SPDEF: variants seen among roughly 807,000 people sequenced by gnomAD.
SPDEF encodes the protein SAM pointed domain containing ETS transcription factor.
Under a neutral mutation model 36.0 loss-of-function variants are expected in SPDEF, and 12 were observed. That is an observed-to-expected ratio of 0.33 (90% CI 0.21 to 0.54). The LOEUF (loss-of-function observed/expected upper bound fraction) is 0.54, where lower values mean the gene tolerates loss of function less well. Ranked by LOEUF, SPDEF falls within the 20% of genes least tolerant of loss-of-function variation. The probability of loss-of-function intolerance (pLI) is 0.93; values close to 1 mark genes in which losing one functional copy is unlikely to be tolerated. For synonymous variants in SPDEF, 205 were observed against 193.0 expected, an observed-to-expected ratio of 1.06 and a Z score of -0.51; for missense variants, 388 against 456.9, an observed-to-expected ratio of 0.85 and a Z score of 1.37.
At chr6:34,543,836 G>C (rs1284522473) in intron 2 of SPDEF, among the ~76,000 whole-genome samples, 184 bp downstream of exon 2, 1 of 152,194 alleles carries the variant, frequency 6.6e-6, no homozygotes, top group Non-Finnish European at 1.5e-5. Flanking sequence ...CACTAGAGGT[G>C]GACAGAAACC....
rs768021292 is a variant in SPDEF, at chr6:34,544,088, T to G, written c.368A>C (p.Gln123Pro). 2 of 1,613,550 alleles carry G rather than the reference T, an allele frequency of 1.2e-6. No individual in the cohort carries two copies. Among genetic ancestry groups the G allele is most frequent in the Non-Finnish European group, 1.7e-6 (2 of 1,179,840 alleles). ...TLEEHSLEQV[Q>P]SMVVGEVLKD... The stretch of plus-strand genomic sequence containing the variant: ...GAGCACTTCGCCCACCACCATGGAC[T>G]GCACCTGCTCCAGCGAGTGCTCCTC... The change falls in exon 2 of 6, where the codon CAG becomes CCG. Residue 123 changes from glutamine to proline, a missense_variant. Physicochemically the swap from Gln to Pro is moderately conservative, Grantham distance 76. This residue lies in a region of SPDEF where 308 missense variants were observed against 326.1 expected (regional missense o/e 0.94). Transcript: ENST00000374037. The surrounding 1 kb of genome is among the most constrained non-coding windows in gnomAD (Gnocchi z 4.4).
In SPDEF at chr6:34,538,241, CT is replaced by C. The variant is rs1240347659; in HGVS notation, c.*32del. The C allele has an allele frequency of 1.3e-6, 2 of 1,599,438 alleles. No homozygotes were observed. The highest frequency in any genetic ancestry group is 1.7e-6 in the Non-Finnish European group (2 of 1,170,394). On this transcript the variant is annotated 3_prime_UTR_variant, in exon 6 of 6. Transcript: ENST00000374037. This position sits in a 1 kb window ranked among gnomAD's most constrained non-coding sequence, Gnocchi z 5.9. ...GGCAGGGCAGGCAGGAGAGAGGCCC[CT>C]GAGGGCGGGTTTCAGGCCCTGGGCC...
chr6:34,538,262 T>G lies in SPDEF; in HGVS notation c.*12A>C. On this transcript the variant is annotated 3_prime_UTR_variant, in exon 6 of 6. Coordinates refer to ENST00000374037, the MANE Select transcript of SPDEF (RefSeq NM_012391.3). The surrounding 1 kb of genome is among the most constrained non-coding windows in gnomAD (Gnocchi z 5.9). ...GCCCCTGAGGGCGGGTTTCAGGCCC[T>G]GGGCCAGGCACTCAGATGGGGTGCA... The G allele has an allele frequency of 2.5e-6, 4 of 1,610,776 alleles. No homozygotes were observed. The highest frequency in any genetic ancestry group is 3.4e-6 in the Non-Finnish European group (4 of 1,177,678).
In SPDEF at chr6:34,539,940, G is replaced by A. The variant is rs2127281884; in HGVS notation, c.635-378C>T. On this transcript the variant is annotated intron_variant, in intron 3 of 5. Transcript: ENST00000374037. The surrounding 1 kb of genome is among the most constrained non-coding windows in gnomAD (Gnocchi z 5.2). The stretch of plus-strand genomic sequence containing the variant: ...CCTCCAAAGCACCTGGCCCTGTGCA[G>A]GCAGCAGTGGGTGCCCACTGAGATC... 6.6e-6 allele frequency among the ~76,000 whole-genome samples: 1 copy of A among 152,330 alleles called. No homozygotes were observed. Among genetic ancestry groups the A allele is most frequent in the South Asian group, 2.1e-4 (1 of 4,828 alleles).
intron 1 of SPDEF, among the ~76,000 whole-genome samples, chr6:34,548,546 A>G (rs1354327808): frequency 6.6e-6 from 1 of 152,138 alleles, no homozygotes; most frequent in South Asian, 2.1e-4. Context: ...AAGGGGCCAT[A>G]TATTATGTGA....
intron 1 of SPDEF, among the ~76,000 whole-genome samples, chr6:34,550,326 G>A (rs1000234146): frequency 6.6e-5 from 10 of 152,086 alleles, no homozygotes; most frequent in African/African-American, 1.4e-4. Context: ...CCTTCCTTAC[G>A]GCCCTCCATT....
chr6:34,555,229 C>T lies in SPDEF; in HGVS notation c.-30+700G>A, dbSNP rs963925442. Among the ~76,000 whole-genome samples the T allele has an allele frequency of 6.6e-6, 1 of 152,096 alleles. No individual in the cohort carries two copies. The highest frequency in any genetic ancestry group is 2.1e-4 in the South Asian group (1 of 4,814). ...CCCACCACCCACTTCCTCTCTCCAC[C>T]GCAGAAATCTGGCAAATCTTAGAAA... On this transcript the variant is annotated intron_variant, in intron 1 of 5. Transcript: ENST00000374037. This position sits in a 1 kb window ranked among gnomAD's most constrained non-coding sequence, Gnocchi z 5.2.
chr6:34,541,240 T>C, intron 2 of SPDEF, 59 bp from the exon 3 acceptor site: 1 of 1,491,300 alleles, frequency 6.7e-7, no homozygotes, highest in Non-Finnish European at 9.1e-7. Context: ...CCTGCTGTGA[T>C]GGGGCACCCA....
rs545474879 is a variant in SPDEF, at chr6:34,551,402, C to T, written c.-30+4527G>A. 6.6e-5 allele frequency among the ~76,000 whole-genome samples: 10 copies of T among 152,332 alleles called. No individual in the cohort carries two copies. The East Asian group carries it at 1.2e-3, about 18-fold the overall frequency. Reference sequence around the variant, plus strand: ...CCTCCACTTCAGGAGGTGCAGGTGACACCCTGCCCTGTTCCCTCCATAGGA... The same window carrying T: ...CCTCCACTTCAGGAGGTGCAGGTGATACCCTGCCCTGTTCCCTCCATAGGA... On this transcript the variant is annotated intron_variant, in intron 1 of 5. Coordinates refer to ENST00000374037, the MANE Select transcript of SPDEF (RefSeq NM_012391.3).
Position 34,544,379 on chromosome 6 carries a change from G to T in SPDEF, c.77C>A (p.Thr26Lys). The T allele has an allele frequency of 6.3e-7, 1 of 1,598,516 alleles. No individual in the cohort carries two copies. The change falls in exon 2 of 6, where the codon ACA (threonine) becomes AAA (lysine). Residue 26 changes from threonine to lysine, a missense_variant. Coordinates refer to ENST00000374037, the MANE Select transcript of SPDEF (RefSeq NM_012391.3). The surrounding 1 kb of genome is among the most constrained non-coding windows in gnomAD (Gnocchi z 4.4). Reference sequence around the variant, plus strand: ...CCCCGCTGCCGCCTTCTCCAAGCCTGTCCGCGACACCGTGTCGGGGGGCAG... The same window carrying T: ...CCCCGCTGCCGCCTTCTCCAAGCCTTTCCGCGACACCGTGTCGGGGGGCAG... ...LLLPPDTVSR[T>K]GLEKAAAGAV...
Position 34,544,239 on chromosome 6 carries a change from A to G in SPDEF, c.217T>C (p.Trp73Arg). The G allele has an allele frequency of 6.2e-7, 1 of 1,613,836 alleles. No individual in the cohort carries two copies. The highest frequency in any genetic ancestry group is 8.5e-7 in the Non-Finnish European group (1 of 1,179,948). Residue 73 changes from tryptophan (W) to arginine (R), a missense_variant, in exon 2 of 6, where the codon TGG becomes CGG. By Grantham distance (101) the Trp-to-Arg change is moderately radical. Around this residue, in one of 2 missense-constraint regions of SPDEF, gnomAD observed 308 missense variants for 326.1 expected, o/e 0.94. Coordinates refer to ENST00000374037, the MANE Select transcript of SPDEF (RefSeq NM_012391.3). The surrounding 1 kb of genome is among the most constrained non-coding windows in gnomAD (Gnocchi z 4.4). ...FDMLYPEDSS[W>R]AAKAPGASSR... ...CTGGCCCCAGGGGCCTTGGCTGCCC[A>G]GCTGCTGTCCTCAGGGTACAGCATG...
rs59736988 is a variant in SPDEF, at chr6:34,552,637, A to G, written c.-30+3292T>C. On this transcript the variant is annotated intron_variant, in intron 1 of 5. Coordinates refer to ENST00000374037, the MANE Select transcript of SPDEF (RefSeq NM_012391.3). This position sits in a 1 kb window ranked among gnomAD's most constrained non-coding sequence, Gnocchi z 4.6. ...AATCTTGATGGGCTGAAGGGAAAAA[A>G]CATTCCTGCGCCCTGATCCTCAGGC... Among the ~76,000 whole-genome samples the G allele has an allele frequency of 0.026, 3,906 of 152,230 alleles. 138 individuals are homozygous for G. The highest frequency in any genetic ancestry group is 0.085 in the African/African-American group (3,531 of 41,528).
At position 34,537,921 on chromosome 6, in the gene SPDEF, G is replaced by A; in HGVS notation, c.*353C>T. The A allele has an allele frequency of 4.5e-6, 1 of 223,224 alleles. No individual in the cohort carries two copies. The highest frequency in any genetic ancestry group is 9.0e-6 in the Non-Finnish European group (1 of 111,572). 13.8% of individuals were successfully genotyped at this position (223,224 alleles called of 1,614,324 possible). Reference sequence around the variant, plus strand: ...GTGCAGAATGGGAGGCAGGGGGATGGAGCAGAGAGAGGCCTGGACTGCCTG... The same window carrying A: ...GTGCAGAATGGGAGGCAGGGGGATGAAGCAGAGAGAGGCCTGGACTGCCTG... On this transcript the variant is annotated 3_prime_UTR_variant, in exon 6 of 6. Coordinates refer to ENST00000374037, the MANE Select transcript of SPDEF (RefSeq NM_012391.3).
chr6:34,552,466 T>A lies in SPDEF; in HGVS notation c.-30+3463A>T, dbSNP rs1011466209. 6.6e-6 allele frequency among the ~76,000 whole-genome samples: 1 copy of A among 152,210 alleles called. No individual in the cohort carries two copies. Among genetic ancestry groups the A allele is most frequent in the Non-Finnish European group, 1.5e-5 (1 of 68,034 alleles). Reference sequence around the variant, plus strand: ...TTGAAGTCACCAGGCAGGACAGCGATGTGAGAAGGCTTCACTGTCTCCCGA... The same window carrying A: ...TTGAAGTCACCAGGCAGGACAGCGAAGTGAGAAGGCTTCACTGTCTCCCGA... On this transcript the variant is annotated intron_variant, in intron 1 of 5. Transcript: ENST00000374037. This position sits in a 1 kb window ranked among gnomAD's most constrained non-coding sequence, Gnocchi z 4.6.
In SPDEF at chr6:34,553,274, A is replaced by C. The variant is rs545380953; in HGVS notation, c.-30+2655T>G. 3.4e-3 allele frequency among the ~76,000 whole-genome samples: 513 copies of C among 152,236 alleles called. 3 individuals are homozygous for C. The highest frequency in any genetic ancestry group is 4.3e-3 in the Non-Finnish European group (295 of 68,012). ...AGGGGGCACCTCCCAGGCTGAAAAC[A>C]TGCAAACTAGCCAGGAGAAGGAGCT... On this transcript the variant is annotated intron_variant, in intron 1 of 5. Transcript: ENST00000374037.
intron 2 of SPDEF, among the ~76,000 whole-genome samples, chr6:34,541,992 C>A (rs1188746013): frequency 6.6e-6 from 1 of 152,220 alleles, no homozygotes; most frequent in Non-Finnish European, 1.5e-5. Flanking sequence ...ACTTAATAAG[C>A]CCATTTTCCT....
At chr6:34,548,113 C>A (rs747734727) in intron 1 of SPDEF, among the ~76,000 whole-genome samples, 1 of 152,168 alleles carries the variant, frequency 6.6e-6, no homozygotes, top group Non-Finnish European at 1.5e-5. Context: ...AGCACCAGTG[C>A]CACGCCCAGG....
chr6:34,548,727 T>C (rs1274740167), intron 1 of SPDEF, among the ~76,000 whole-genome samples: 1 of 152,192 alleles, frequency 6.6e-6, no homozygotes, highest in Non-Finnish European at 1.5e-5. Context: ...ACATGGCTAT[T>C]TTCTAAGATG....
chr6:34,544,223 G>C lies in SPDEF; in HGVS notation c.233C>G (p.Pro78Arg), dbSNP rs2233640. ...TGGCTCCTCCCGACTGCTGGCCCCA[G>C]GGGCCTTGGCTGCCCAGCTGCTGTC... ...PEDSSWAAKAPGASSREEPPE... is the reference protein window; with the variant it reads ...PEDSSWAAKARGASSREEPPE... The change falls in exon 2 of 6, where the codon CCT becomes CGT. Residue 78 changes from proline to arginine, a missense_variant. This residue lies in a region of SPDEF where 308 missense variants were observed against 326.1 expected (regional missense o/e 0.94). Coordinates refer to ENST00000374037, the MANE Select transcript of SPDEF (RefSeq NM_012391.3). This position sits in a 1 kb window ranked among gnomAD's most constrained non-coding sequence, Gnocchi z 4.4. The C allele has an allele frequency of 1.8e-4, 284 of 1,613,840 alleles. 2 individuals carry two copies. In the East Asian group the frequency reaches 6.1e-3, roughly 35 times the overall value.
Sources: gnomAD v4.1 joint callset for allele counts (sites outside exome capture counted in the v4.1 genomes callset) on GRCh38, gnomAD v4.1.1 for gene constraint, gnomAD v4.1.1 regional missense constraint, Gnocchi (gnomAD v3.1) non-coding constraint, MANE v1.5 for transcripts, NCBI Gene and HGNC (gene_info 2026-07-23, HGNC 2026-07-21) for gene names.